The following SGPP2 variants were observed in gnomAD, a reference collection of about 807,000 sequenced individuals.
SGPP2 encodes sphingosine 1-phosphate phosphohydrolase 2.
A neutral mutation model predicts 33.9 loss-of-function variants in SGPP2; 30 were observed. That is an observed-to-expected ratio of 0.89 (90% CI 0.66 to 1.20). SGPP2 has a LOEUF of 1.20. Ranked by LOEUF, SGPP2 falls within the 50% of genes most tolerant of loss-of-function variation. SGPP2 has a pLI of 0.00. For synonymous variants in SGPP2, 233 were observed against 225.0 expected (o/e 1.04, Z -0.32); for missense variants, 458 against 532.1 (o/e 0.86, Z 1.37).
At chr2:222,446,794 G>A (rs1394304626) in intron 1 of SGPP2, among the ~76,000 whole-genome samples, 3 of 152,150 alleles carry the variant, frequency 2.0e-5, no homozygotes, top group East Asian at 1.9e-4. Context: ...TTCTTTGTCC[G>A]TCGTATCCAG....
At chr2:222,455,271 A>G (rs985773457) in intron 1 of SGPP2, among the ~76,000 whole-genome samples, 2 of 151,968 alleles carry the variant, frequency 1.3e-5, no homozygotes, top group Admixed American at 6.6e-5. Context: ...TATGAAGAAG[A>G]TAGAACAGGG....
intron 2 of SGPP2, among the ~76,000 whole-genome samples, chr2:222,478,972 A>G (rs1697990189): frequency 6.6e-6 from 1 of 152,214 alleles, no homozygotes; most frequent in South Asian, 2.1e-4. Context: ...GCCATACCCT[A>G]TATTGAGCAT....
intron 2 of SGPP2, chr2:222,504,465 C>T (rs1194968831): frequency 6.6e-6 from 1 of 152,246 alleles, no homozygotes; most frequent in African/African-American, 2.4e-5. Flanking sequence ...CTCTCCCATT[C>T]TGAGCACAGC....
chr2:222,521,939 G>A lies in SGPP2; in HGVS notation c.551G>A (p.Arg184Lys). ...ACCCTCCTTATCTCTACTATGGACA[G>A]ATACCAGGTAAGGTGGCCTGGTTCT... ...AFTLLISTMDRYQYPFVLGLV... is the reference protein window; with the variant it reads ...AFTLLISTMDKYQYPFVLGLV... The change falls in exon 3 of 5, where the codon AGA becomes AAA. Residue 184 changes from arginine (R) to lysine (K), a missense_variant. Arg to Lys is a conservative substitution (Grantham distance 26). Transcript: ENST00000321276. The A allele has an allele frequency of 6.5e-7, 1 of 1,531,568 alleles. No homozygotes were observed. The highest frequency in any genetic ancestry group is 8.8e-7 in the Non-Finnish European group (1 of 1,139,622). The allele number at this position is 1,531,568 out of a possible 1,614,324, so 94.9% of individuals were successfully genotyped here.
rs1386497088 is a variant in SGPP2 at position 222,511,725 on chromosome 2, C to T, written c.379-10042C>T. 6.6e-5 allele frequency among the ~76,000 whole-genome samples: 10 copies of T among 152,318 alleles called. No homozygotes were observed. The East Asian group carries it at 1.9e-3, about 29-fold the overall frequency. ...CTTTTGAGACAGGGTCTTGGTCTGT[C>T]ACCCAGGCTTGAGTGCATCATGGCT... On this transcript the variant is annotated intron_variant, in intron 2 of 4. Transcript: ENST00000321276.
intron 1 of SGPP2, among the ~76,000 whole-genome samples, chr2:222,445,238 A>G (rs922673992): frequency 7.9e-5 from 12 of 152,216 alleles, no homozygotes; most frequent in Non-Finnish European, 4.4e-5. Context: ...TGTTGGACCA[A>G]ACATTGACCA....
chr2:222,442,447 A>C (rs970528271), intron 1 of SGPP2, among the ~76,000 whole-genome samples: 1 of 152,170 alleles, frequency 6.6e-6, no homozygotes, highest in East Asian at 1.9e-4. Flanking sequence ...GACTTTTTAT[A>C]CTGGTGTGTT....
chr2:222,545,382 A>G (rs549736839), intron 4 of SGPP2, among the ~76,000 whole-genome samples: 97 of 151,938 alleles, frequency 6.4e-4, no homozygotes, highest in Non-Finnish European at 1.3e-3. Context: ...CCCAGGTTCA[A>G]GTGATTCTCC....
intron 1 of SGPP2, among the ~76,000 whole-genome samples, chr2:222,447,976 C>T (rs1697422002): frequency 6.6e-6 from 1 of 152,166 alleles, no homozygotes; most frequent in Non-Finnish European, 1.5e-5. Flanking sequence ...TCTCCAACAC[C>T]ACGAAGCAAT....
At chr2:222,557,145 T>TCCAGCCC (rs1480513492) in intron 4 of SGPP2, among the ~76,000 whole-genome samples, 2 of 152,098 alleles carry the variant, frequency 1.3e-5, no homozygotes, top group Non-Finnish European at 2.9e-5. Flanking sequence ...ACTCTCTCTC[T>TCCAGCCC]CCAGCCCCCA....
chr2:222,480,406 T>A (rs906926691), intron 2 of SGPP2, among the ~76,000 whole-genome samples: 2 of 152,142 alleles, frequency 1.3e-5, no homozygotes, highest in African/African-American at 4.8e-5. Context: ...CATAATGAGA[T>A]GTAGAAAAAA....
At chr2:222,525,395 G>T (rs985549358) in intron 4 of SGPP2, among the ~76,000 whole-genome samples, 2 of 152,144 alleles carry the variant, frequency 1.3e-5, no homozygotes, top group African/African-American at 4.8e-5. Flanking sequence ...TCCCCACTTA[G>T]GTCCTCACAG....
intron 1 of SGPP2, among the ~76,000 whole-genome samples, chr2:222,466,592 G>A (rs917179224): frequency 6.6e-6 from 1 of 152,068 alleles, no homozygotes; most frequent in African/African-American, 2.4e-5. Context: ...AACGACAGTT[G>A]TTCCCTGCAA....
intron 1 of SGPP2, among the ~76,000 whole-genome samples, chr2:222,445,612 G>A (rs1697386817): frequency 6.6e-6 from 1 of 152,144 alleles, no homozygotes; most frequent in Non-Finnish European, 1.5e-5. Flanking sequence ...AATGCTCCCT[G>A]ATGTAGTGGG....
intron 4 of SGPP2, among the ~76,000 whole-genome samples, chr2:222,555,000 G>A (rs973210942): frequency 1.3e-5 from 2 of 151,858 alleles, no homozygotes; most frequent in Non-Finnish European, 2.9e-5. Context: ...CCATCCCTTC[G>A]GAGTCACAAC....
chr2:222,472,611 T>C (rs1574848359), intron 1 of SGPP2, among the ~76,000 whole-genome samples: 1 of 152,144 alleles, frequency 6.6e-6, no homozygotes, highest in Non-Finnish European at 1.5e-5. Flanking sequence ...CAGTGGCTGG[T>C]TGTCCTTTAT....
chr2:222,449,820 C>G (rs1697456642), intron 1 of SGPP2, among the ~76,000 whole-genome samples: 1 of 152,114 alleles, frequency 6.6e-6, no homozygotes, highest in South Asian at 2.1e-4. Context: ...GAATGTAGAT[C>G]TGTGGGTCAT....
intron 4 of SGPP2, among the ~76,000 whole-genome samples, chr2:222,530,919 A>G (rs1698829398): frequency 6.6e-6 from 1 of 152,156 alleles, no homozygotes; most frequent in Non-Finnish European, 1.5e-5. Context: ...CTGGAATCCC[A>G]GTGCTTTGAG....
rs1336591113 is a variant in SGPP2 at position 222,434,991 on chromosome 2, C to T, written c.219+10170C>T. On this transcript the variant is annotated intron_variant, in intron 1 of 4. Coordinates refer to ENST00000321276, the MANE Select transcript of SGPP2 (RefSeq NM_152386.4). Reference sequence around the variant, plus strand: ...GGAGATATATACACACACACACACACACACACACACACACACACACATATG... The same window carrying T: ...GGAGATATATACACACACACACACATACACACACACACACACACACATATG... Among the ~76,000 whole-genome samples the T allele has an allele frequency of 8.4e-3, 827 of 98,898 alleles. 3 individuals carry two copies. The highest frequency in any genetic ancestry group is 0.015 in the South Asian group (45 of 2,946). The allele number at this position is 98,898 out of a possible 152,430, so 64.9% of individuals were successfully genotyped here.
Sources: allele counts gnomAD v4.1 joint callset (sites outside exome capture counted in the v4.1 genomes callset), GRCh38; gene constraint gnomAD v4.1.1; transcripts MANE v1.5; gene names NCBI Gene and HGNC (gene_info 2026-07-23, HGNC 2026-07-21).